Variants in MAPK10 observed in about 807,000 individuals in gnomAD.
MAPK10 encodes the protein mitogen-activated protein kinase 10.
MAPK10 carries 25 observed loss-of-function variants against 59.3 expected under a neutral mutation model. The ratio of observed to expected loss-of-function variants is 0.42; its 90% CI spans 0.31 to 0.59. The LOEUF (loss-of-function observed/expected upper bound fraction) is 0.59. Among genes scored for constraint, MAPK10 ranks in the 20% least tolerant of loss-of-function variants. The probability of loss-of-function intolerance (pLI) is 0.15; values close to 1 mark genes in which losing one functional copy is unlikely to be tolerated. For missense variants in MAPK10, 351 were observed against 568.9 expected (o/e 0.62, Z 3.90); for synonymous variants, 190 against 200.5 (o/e 0.95, Z 0.44).
intron 1 of MAPK10, among the ~76,000 whole-genome samples, chr4:86,519,646 C>G (rs1212874725): frequency 6.6e-6 from 1 of 152,092 alleles, no homozygotes; most frequent in Non-Finnish European, 1.5e-5. Context: ...ATGTTCTATT[C>G]ATCATGCTAG....
intron 3 of MAPK10, among the ~76,000 whole-genome samples, chr4:86,182,297 A>C (rs1299738375): frequency 6.6e-6 from 1 of 152,156 alleles, no homozygotes; most frequent in African/African-American, 2.4e-5. Context: ...ACTATTAAAG[A>C]TAATGTACCT....
chr4:86,468,414 A>G (rs897540619), intron 1 of MAPK10, among the ~76,000 whole-genome samples: 6 of 152,182 alleles, frequency 3.9e-5, no homozygotes, highest in African/African-American at 1.2e-4. Flanking sequence ...TTATTTGACA[A>G]TAGGGGTATA....
intron 9 of MAPK10, among the ~76,000 whole-genome samples, chr4:86,084,605 AC>A (rs1360343267): frequency 1.3e-5 from 2 of 152,214 alleles, no homozygotes; most frequent in East Asian, 3.8e-4. Context: ...TGAATAGGAA[AC>A]AAAAAATTGA....
chr4:86,129,602 A>C (rs1470896573), intron 4 of MAPK10, among the ~76,000 whole-genome samples: 1 of 152,154 alleles, frequency 6.6e-6, no homozygotes, highest in South Asian at 2.1e-4. Context: ...ATTACCTAAA[A>C]AGTATCACAC....
intron 1 of MAPK10, among the ~76,000 whole-genome samples, chr4:86,581,923 ATATATATATAT>A (rs1246091253): frequency 4.0e-5 from 5 of 126,286 alleles, no homozygotes; most frequent in African/African-American, 1.4e-4. Flanking sequence ...ATATATATAT[ATATATATATAT>A]ATATATATAT....
Position 86,320,954 on chromosome 4 carries a change from C to T in MAPK10, c.-7+33576G>A, listed in dbSNP as rs561490624. On this transcript the variant is annotated intron_variant, in intron 2 of 13. Coordinates refer to ENST00000641462, the MANE Select transcript of MAPK10 (RefSeq NM_138982.4). ...TGAACAGACACTTCTCAAAAGAAGACAATTATGCAGCCAAAAAACACATGA... is the reference window on the plus strand; with the variant it reads ...TGAACAGACACTTCTCAAAAGAAGATAATTATGCAGCCAAAAAACACATGA... 6.6e-3 allele frequency among the ~76,000 whole-genome samples: 956 copies of T among 145,352 alleles called. 6 individuals are homozygous for T. Among genetic ancestry groups the T allele is most frequent in the African/African-American group, 0.021 (859 of 40,550 alleles).
At chr4:86,123,945 A>G (rs1379615814) in intron 4 of MAPK10, 1 of 152,058 alleles carries the variant, frequency 6.6e-6, no homozygotes, top group Non-Finnish European at 1.5e-5. Flanking sequence ...CCTCAAACAT[A>G]AAATTAATAT....
intron 3 of MAPK10, among the ~76,000 whole-genome samples, chr4:86,170,638 C>T (rs2073829409): frequency 6.6e-6 from 1 of 151,900 alleles, no homozygotes; most frequent in South Asian, 2.1e-4. Context: ...GACTTTAACA[C>T]CCCACTGTCA....
At chr4:86,448,075 T>C (rs1750251148) in intron 1 of MAPK10, among the ~76,000 whole-genome samples, 1 of 152,194 alleles carries the variant, frequency 6.6e-6, no homozygotes, top group South Asian at 2.1e-4. Flanking sequence ...AGTTAGATTA[T>C]GTTAATATGT....
At chr4:86,448,972 G>C (rs952750714) in intron 1 of MAPK10, among the ~76,000 whole-genome samples, 2 of 152,102 alleles carry the variant, frequency 1.3e-5, no homozygotes. Flanking sequence ...GTTCACAATA[G>C]GGTTCCTGCT....
chr4:86,176,364 G>T (rs1052858161), intron 3 of MAPK10, among the ~76,000 whole-genome samples: 11 of 152,098 alleles, frequency 7.2e-5, no homozygotes, highest in African/African-American at 2.7e-4. Context: ...TCTGTATTTT[G>T]AAAAATGTAA....
At chr4:86,260,408 T>C (rs1171529498) in intron 2 of MAPK10, among the ~76,000 whole-genome samples, 1 of 152,154 alleles carries the variant, frequency 6.6e-6, no homozygotes, top group Admixed American at 6.5e-5. Flanking sequence ...TTTCTTTCTT[T>C]AGGATTTGTA....
intron 1 of MAPK10, among the ~76,000 whole-genome samples, chr4:86,558,334 G>A (rs775795880): frequency 2.0e-5 from 3 of 152,052 alleles, no homozygotes; most frequent in Non-Finnish European, 4.4e-5. Flanking sequence ...TGCTAAAGAC[G>A]AGGCTTTGTA....
At chr4:86,412,916 G>C (rs530530075) in intron 1 of MAPK10, among the ~76,000 whole-genome samples, 2 of 152,164 alleles carry the variant, frequency 1.3e-5, no homozygotes, top group Admixed American at 6.5e-5. Flanking sequence ...ACTCATCAAA[G>C]TTATTCTCCG....
intron 2 of MAPK10, among the ~76,000 whole-genome samples, chr4:86,304,211 G>T (rs533071002): frequency 1.3e-5 from 2 of 152,146 alleles, no homozygotes; most frequent in Non-Finnish European, 2.9e-5. Context: ...GGGCCAAATT[G>T]TGAAAGATCT....
rs576786644 is a variant in MAPK10, at chr4:86,355,862, C to T, written c.-121-1218G>A. Reference sequence around the variant, plus strand: ...TCCTTCACTATCAATGCTTTCAGATCCTATTTCCAATGTATAAGAAGAGGA... The same window carrying T: ...TCCTTCACTATCAATGCTTTCAGATTCTATTTCCAATGTATAAGAAGAGGA... On this transcript the variant is annotated intron_variant, in intron 1 of 13. Transcript: ENST00000641462. 3.3e-5 allele frequency among the ~76,000 whole-genome samples: 5 copies of T among 152,268 alleles called. No homozygotes were observed. In the South Asian group the frequency reaches 8.3e-4, roughly 25 times the overall value.
intron 1 of MAPK10, among the ~76,000 whole-genome samples, chr4:86,559,817 T>C (rs1212513412): frequency 3.3e-5 from 5 of 151,762 alleles, no homozygotes; most frequent in African/African-American, 1.2e-4. Context: ...CACGTGTCTG[T>C]AATCCCAGCT....
chr4:86,409,144 T>C (rs1017732222), intron 1 of MAPK10, among the ~76,000 whole-genome samples: 1 of 152,210 alleles, frequency 6.6e-6, no homozygotes, highest in East Asian at 1.9e-4. Context: ...CTCAACACCA[T>C]TTATTAAATA....
At chr4:86,072,237 G>A (rs1441381255) in intron 9 of MAPK10, among the ~76,000 whole-genome samples, 1 of 150,566 alleles carries the variant, frequency 6.6e-6, no homozygotes, top group African/African-American at 2.4e-5. Context: ...TTTGTACATT[G>A]ATTTTGTATC....
Sources: gnomAD v4.1 joint callset for allele counts (sites outside exome capture counted in the v4.1 genomes callset) on GRCh38, gnomAD v4.1.1 for gene constraint, MANE v1.5 for transcripts, NCBI Gene and HGNC (gene_info 2026-07-23, HGNC 2026-07-21) for gene names.